The following MYH9 variants were observed in gnomAD, a reference collection of about 807,000 sequenced individuals.
MYH9 encodes myosin-9.
A neutral mutation model predicts 241.9 loss-of-function variants in MYH9; 29 were observed. The observed-to-expected ratio is 0.12, with a 90% CI of 0.09 to 0.16. The LOEUF (loss-of-function observed/expected upper bound fraction) is 0.16, where lower values mean the gene tolerates loss of function less well. Ranked by LOEUF, MYH9 falls within the 10% of genes least tolerant of loss-of-function variation. The probability of loss-of-function intolerance (pLI) is 1.00; values close to 1 mark genes in which losing one functional copy is unlikely to be tolerated. For missense variants in MYH9, 1,803 were observed against 2,595.5 expected, an observed-to-expected ratio of 0.69 and a Z score of 6.63; for synonymous variants, 1,047 against 1,062.6, an observed-to-expected ratio of 0.99 and a Z score of 0.29.
At chr22:36,294,886 A>C in intron 27 of MYH9, 46 bp downstream of exon 27, 1 of 1,604,658 alleles carries the variant, frequency 6.2e-7, no homozygotes, top group Non-Finnish European at 8.5e-7. Context: ...TGGGCCCAGC[A>C]CGGGGAACCC....
intron 3 of MYH9, among the ~76,000 whole-genome samples, chr22:36,327,691 A>C (rs1162280817): frequency 6.6e-6 from 1 of 152,196 alleles, no homozygotes; most frequent in African/African-American, 2.4e-5. Context: ...CCTGCCGCCC[A>C]GGAGCTCAGA....
chr22:36,363,465 C>CAGGA (rs1439645141), intron 1 of MYH9, among the ~76,000 whole-genome samples: 1 of 152,044 alleles, frequency 6.6e-6, no homozygotes, highest in Non-Finnish European at 1.5e-5. Context: ...CAGAGGGAGG[C>CAGGA]AGGAAGGAGG....
chr22:36,333,227 GC>G (rs1288710519), intron 3 of MYH9, among the ~76,000 whole-genome samples: 1 of 152,230 alleles, frequency 6.6e-6, no homozygotes, highest in African/African-American at 2.4e-5. Context: ...AGTCAAACGT[GC>G]TTGAGAGCAC....
In MYH9 at chr22:36,293,197, C is replaced by G. The variant is rs1035418429; in HGVS notation, c.4095+132G>C. 10 of 1,139,756 alleles carry G rather than the reference C, an allele frequency of 8.8e-6. No individual in the cohort carries two copies. Among genetic ancestry groups the G allele is most frequent in the South Asian group, 1.4e-5 (1 of 73,022 alleles). 70.6% of individuals were successfully genotyped at this position (1,139,756 alleles called of 1,614,324 possible). Reference sequence around the variant, plus strand: ...TTGAGAGCACTGATGTGGGAGAGCACGGTTGGCTTCCCAGGGGGAGAGCAG... The same window carrying G: ...TTGAGAGCACTGATGTGGGAGAGCAGGGTTGGCTTCCCAGGGGGAGAGCAG... On this transcript the variant is annotated intron_variant, in intron 30 of 40. Transcript: ENST00000216181. This position sits in a 1 kb window ranked among gnomAD's most constrained non-coding sequence, Gnocchi z 5.1.
At chr22:36,331,922 C>A (rs1342614635) in intron 3 of MYH9, among the ~76,000 whole-genome samples, 1 of 152,216 alleles carries the variant, frequency 6.6e-6, no homozygotes, top group East Asian at 1.9e-4. Context: ...TAATCTGAGA[C>A]AAATGGGACC....
intron 1 of MYH9, among the ~76,000 whole-genome samples, chr22:36,378,255 C>G (rs534732210): frequency 3.9e-5 from 6 of 152,142 alleles, no homozygotes; most frequent in African/African-American, 1.4e-4. Context: ...GCCTGGGCAA[C>G]AGAGCAAGAC....
chr22:36,333,591 A>C (rs938745401), intron 3 of MYH9, among the ~76,000 whole-genome samples: 2 of 152,348 alleles, frequency 1.3e-5, no homozygotes, highest in Non-Finnish European at 2.9e-5. Flanking sequence ...AAGACTAAAC[A>C]AATTTGACAG....
chr22:36,303,952 G>C, intron 19 of MYH9, 43 bp downstream of exon 19: 1 of 1,609,272 alleles, frequency 6.2e-7, no homozygotes, highest in Non-Finnish European at 8.5e-7. Flanking sequence ...GAAGGGCGTG[G>C]CAAGGCCTGG....
chr22:36,341,964 G>A (rs990742944), intron 2 of MYH9, among the ~76,000 whole-genome samples: 2 of 152,242 alleles, frequency 1.3e-5, no homozygotes, highest in African/African-American at 4.8e-5. Context: ...CACACTGAAG[G>A]ACGCTGAGAG....
At position 36,306,684 on chromosome 22, in the gene MYH9, A is replaced by G. The variant is rs2016976583; in HGVS notation, c.1844-77T>C. 1 of 1,386,576 alleles carries G rather than the reference A, an allele frequency of 7.2e-7. No individual in the cohort carries two copies. Among genetic ancestry groups the G allele is most frequent in the African/African-American group, 1.4e-5 (1 of 70,240 alleles). The allele number at this position is 1,386,576 out of a possible 1,614,324, so 85.9% of individuals were successfully genotyped here. A position where few individuals can be genotyped will look rare whatever the true frequency, so the allele number is the denominator to read the frequency against. ...GTGGGGGAGCACGTAGGAGAGAGAG[A>G]CAGGCACACGTCGGACAGGAAAAGA... On this transcript the variant is annotated intron_variant, in intron 15 of 40. Coordinates refer to ENST00000216181, the MANE Select transcript of MYH9 (RefSeq NM_002473.6). The surrounding 1 kb of genome is among the most constrained non-coding windows in gnomAD (Gnocchi z 4.1).
intron 9 of MYH9, 25 bp from the exon 10 acceptor site, chr22:36,319,660 CAGA>C: frequency 6.2e-7 from 1 of 1,608,994 alleles, no homozygotes; most frequent in Non-Finnish European, 8.5e-7. Context: ...AGAGGCAGCT[CAGA>C]AGCAGACATG....
At position 36,320,317 on chromosome 22, in the gene MYH9, A is replaced by C. The variant is rs1410636847; in HGVS notation, c.915T>G (p.Asn305Lys). 3 of 1,614,162 alleles carry C rather than the reference A, an allele frequency of 1.9e-6. No homozygotes were observed. The highest frequency in any genetic ancestry group is 2.5e-6 in the Non-Finnish European group (3 of 1,180,040). Residue 305 changes from asparagine (N) to lysine (K), a missense_variant, in exon 9 of 41, where the codon AAT (asparagine) becomes AAG (lysine). Asn to Lys is a moderately conservative substitution (Grantham distance 94). Transcript: ENST00000216181. The surrounding 1 kb of genome is among the most constrained non-coding windows in gnomAD (Gnocchi z 4.8). ...EPYNKYRFLS[N>K]GHVTIPGQQD... ...GCTGCCCGGGGATGGTGACGTGTCC[A>C]TTGGACAGGAAGCGGTATTTGTTGT...
rs777837578 is a variant in MYH9 at position 36,320,760 on chromosome 22, C to T, written c.868+38G>A. 1.2e-5 allele frequency: 19 copies of T among 1,553,052 alleles called. No homozygotes were observed. Among genetic ancestry groups the T allele is most frequent in the Admixed American group, 6.7e-5 (4 of 59,628 alleles). On this transcript the variant is annotated intron_variant, in intron 8 of 40. Coordinates refer to ENST00000216181, the MANE Select transcript of MYH9 (RefSeq NM_002473.6). This position sits in a 1 kb window ranked among gnomAD's most constrained non-coding sequence, Gnocchi z 4.8. ...CAATTCTGGCAAGAGGCCCAGAGCC[C>T]GGCAGCCCCGGTGTCAGGCTGCAGG...
chr22:36,367,943 GCACA>G (rs913841457), intron 1 of MYH9, among the ~76,000 whole-genome samples: 5 of 152,106 alleles, frequency 3.3e-5, no homozygotes, highest in African/African-American at 1.2e-4. Context: ...AAAGATCTGT[GCACA>G]CAGAGGTGCA....
Position 36,288,264 on chromosome 22 carries a change from C to A in MYH9, c.4920G>T (p.Leu1640=). Residue 1640 remains leucine (L), a synonymous_variant, in exon 34 of 41, where the codon CTG becomes CTT. Coordinates refer to ENST00000216181, the MANE Select transcript of MYH9 (RefSeq NM_002473.6). This position sits in a 1 kb window ranked among gnomAD's most constrained non-coding sequence, Gnocchi z 4.8. ...CGCCCACCCTTACCTGCAGCTTCCG[C>A]AGCTGTTTGATGGCTTCGTCCCGGT... ...NKNRDEAIKQ[L]RKLQAQMKDC... The A allele has an allele frequency of 6.8e-6, 11 of 1,614,044 alleles. No individual in the cohort carries two copies. Among genetic ancestry groups the A allele is most frequent in the Non-Finnish European group, 9.3e-6 (11 of 1,180,010 alleles).
chr22:36,307,065 T>A (rs763345649), intron 15 of MYH9, among the ~76,000 whole-genome samples: 47 of 152,052 alleles, frequency 3.1e-4, no homozygotes, highest in Non-Finnish European at 8.8e-5. Flanking sequence ...GACCCTGTCA[T>A]AAGAGCACTC....
intron 3 of MYH9, among the ~76,000 whole-genome samples, chr22:36,335,578 T>C (rs1018680476): frequency 6.6e-6 from 1 of 152,232 alleles, no homozygotes; most frequent in Non-Finnish European, 1.5e-5. Flanking sequence ...CATGGCACTT[T>C]TCCTCAGAAA....
chr22:36,282,289 G>C lies in MYH9; in HGVS notation c.*379C>G. 1 of 398,002 alleles carries C rather than the reference G, an allele frequency of 2.5e-6. No homozygotes were observed. The highest frequency in any genetic ancestry group is 4.3e-5 in the East Asian group (1 of 23,216). 24.7% of individuals were successfully genotyped at this position (398,002 alleles called of 1,614,324 possible). ...ACTGCGGGGGCTCCGACTACCAAAA[G>C]GCCTCAGTCTGAAGAAAAATAGATT... is the stretch of plus-strand genomic sequence containing the variant. On this transcript the variant is annotated 3_prime_UTR_variant, in exon 41 of 41. Coordinates refer to ENST00000216181, the MANE Select transcript of MYH9 (RefSeq NM_002473.6).
Position 36,293,579 on chromosome 22 carries a change from G to A in MYH9, c.3943-98C>T. The A allele has an allele frequency of 6.5e-7, 1 of 1,538,032 alleles. No homozygotes were observed. Among genetic ancestry groups the A allele is most frequent in the Non-Finnish European group, 8.9e-7 (1 of 1,122,868 alleles). On this transcript the variant is annotated intron_variant, in intron 29 of 40. Coordinates refer to ENST00000216181, the MANE Select transcript of MYH9 (RefSeq NM_002473.6). The surrounding 1 kb of genome is among the most constrained non-coding windows in gnomAD (Gnocchi z 5.1). ...AGGAGAGGGAGGAGCTGGTCCTGCT[G>A]ATTTAGGGGATGGCCACGTAAAGAC...
Sources: allele counts gnomAD v4.1 joint callset (sites outside exome capture counted in the v4.1 genomes callset), GRCh38; gene constraint gnomAD v4.1.1; non-coding constraint Gnocchi (gnomAD v3.1); transcripts MANE v1.5; gene names NCBI Gene and HGNC (gene_info 2026-07-23, HGNC 2026-07-21).